COL19A1: variants seen among roughly 807,000 people sequenced by gnomAD.
COL19A1 encodes collagen alpha-1(XIX) chain.
Under a neutral mutation model 190.2 loss-of-function variants are expected in COL19A1, and 159 were observed. The observed-to-expected ratio is 0.84, with a 90% confidence interval of 0.73 to 0.95. The LOEUF is 0.95. Ranked by LOEUF, COL19A1 falls within the 40% of genes least tolerant of loss-of-function variation. The probability of loss-of-function intolerance (pLI) is 0.00; values close to 1 mark genes in which losing one functional copy is unlikely to be tolerated. For synonymous variants in COL19A1, 509 were observed against 458.9 expected, an observed-to-expected ratio of 1.11 and a Z score of -1.39; for missense variants, 1,418 against 1,431.9, an observed-to-expected ratio of 0.99 and a Z score of 0.16.
chr6:69,993,659 T>A (rs1474197141), intron 11 of COL19A1, among the ~76,000 whole-genome samples: 1 of 152,156 alleles, frequency 6.6e-6, no homozygotes, highest in Non-Finnish European at 1.5e-5. Context: ...GTTCAGGGTT[T>A]CAATTTCTTT....
intron 15 of COL19A1, among the ~76,000 whole-genome samples, chr6:70,071,343 T>C (rs1476921333): frequency 9.2e-5 from 14 of 152,154 alleles, no homozygotes. Context: ...GCCAAGGTTC[T>C]GTTTGAAATT....
At chr6:69,947,059 C>A (rs1773864898) in intron 9 of COL19A1, among the ~76,000 whole-genome samples, 2 of 151,794 alleles carry the variant, frequency 1.3e-5, no homozygotes, top group South Asian at 2.1e-4. Context: ...TACTCTCTGG[C>A]CCTTTGTTGA....
At chr6:70,194,259 A>G (rs1352427139) in intron 48 of COL19A1, among the ~76,000 whole-genome samples, 1 of 152,186 alleles carries the variant, frequency 6.6e-6, no homozygotes, top group African/African-American at 2.4e-5. Context: ...GAAACCCTAG[A>G]CCAGGATGAC....
intron 11 of COL19A1, among the ~76,000 whole-genome samples, chr6:70,009,534 C>A (rs1415750978): frequency 6.6e-6 from 1 of 151,996 alleles, no homozygotes; most frequent in Non-Finnish European, 1.5e-5. Context: ...AGATATTGAT[C>A]TATAGATTCA....
intron 17 of COL19A1, among the ~76,000 whole-genome samples, chr6:70,125,835 C>CTGCTCATG (rs1785161217): frequency 1.3e-5 from 2 of 152,188 alleles, no homozygotes; most frequent in Admixed American, 6.5e-5. Flanking sequence ...CAAGGAAAAT[C>CTGCTCATG]TGCTCATGTT....
intron 4 of COL19A1, among the ~76,000 whole-genome samples, chr6:69,920,709 A>G (rs980149966): frequency 1.3e-5 from 2 of 151,906 alleles, no homozygotes; most frequent in Non-Finnish European, 2.9e-5. Context: ...GACCTTAATT[A>G]ATGTGTAGAA....
At chr6:70,130,890 C>T (rs1785478864) in intron 18 of COL19A1, among the ~76,000 whole-genome samples, 1 of 152,224 alleles carries the variant, frequency 6.6e-6, no homozygotes, top group Non-Finnish European at 1.5e-5. Flanking sequence ...CCCAGGCTCA[C>T]TATTTTGTGT....
chr6:70,179,185 C>T (rs575433569), intron 42 of COL19A1, among the ~76,000 whole-genome samples: 1 of 152,296 alleles, frequency 6.6e-6, no homozygotes, highest in East Asian at 1.9e-4. Context: ...TGCCATTCAG[C>T]ACCGTATCTC....
chr6:69,988,832 C>G (rs930429221), intron 11 of COL19A1, among the ~76,000 whole-genome samples: 9 of 152,174 alleles, frequency 5.9e-5, no homozygotes, highest in Non-Finnish European at 8.8e-5. Flanking sequence ...ACCTGTTAGA[C>G]ATCTCCTCCT....
intron 12 of COL19A1, among the ~76,000 whole-genome samples, chr6:70,024,467 G>A (rs1388683090): frequency 6.6e-6 from 1 of 152,120 alleles, no homozygotes; most frequent in African/African-American, 2.4e-5. Context: ...AAAACTGTGA[G>A]ACTATATCTA....
At chr6:69,941,221 G>A (rs1773446070) in intron 9 of COL19A1, among the ~76,000 whole-genome samples, 2 of 152,130 alleles carry the variant, frequency 1.3e-5, no homozygotes, top group African/African-American at 4.8e-5. Context: ...ACTTAGGATT[G>A]AATCCTCTCC....
chr6:69,952,301 C>A (rs1035185649), intron 9 of COL19A1, among the ~76,000 whole-genome samples: 2 of 151,842 alleles, frequency 1.3e-5, no homozygotes, highest in African/African-American at 4.8e-5. Flanking sequence ...GCGCTTGACT[C>A]TCTGGAGATT....
intron 42 of COL19A1, among the ~76,000 whole-genome samples, chr6:70,177,392 C>T (rs1765881884): frequency 1.3e-5 from 2 of 152,042 alleles, no homozygotes; most frequent in African/African-American, 2.4e-5. Flanking sequence ...TCTACTGACA[C>T]CCAACACCAC....
intron 11 of COL19A1, among the ~76,000 whole-genome samples, chr6:69,995,823 A>G (rs1776872515): frequency 6.6e-6 from 1 of 152,176 alleles, no homozygotes; most frequent in South Asian, 2.1e-4. Context: ...AGATAAGCTG[A>G]TTTTATAGAG....
chr6:69,912,461 A>G (rs1323211770), intron 4 of COL19A1, among the ~76,000 whole-genome samples: 1 of 152,196 alleles, frequency 6.6e-6, no homozygotes, highest in African/African-American at 2.4e-5. Context: ...AAAAGCAGAT[A>G]TGCTTTTCTT....
intron 1 of COL19A1, among the ~76,000 whole-genome samples, chr6:69,873,266 G>A (rs1282620845): frequency 1.3e-5 from 2 of 150,344 alleles, no homozygotes; most frequent in African/African-American, 2.5e-5. Context: ...AAAAAAAAAC[G>A]ATCCTTAATC....
At chr6:69,896,469 G>A (rs970845590) in intron 2 of COL19A1, among the ~76,000 whole-genome samples, 2 of 149,192 alleles carry the variant, frequency 1.3e-5, no homozygotes, top group East Asian at 2.0e-4. Context: ...CCCGGGAGGC[G>A]GAGCTTGCAG....
chr6:69,898,906 T>A, intron 2 of COL19A1, 42 bp from the exon 3 acceptor site: 2 of 1,184,514 alleles, frequency 1.7e-6, no homozygotes, highest in Non-Finnish European at 2.5e-6. Context: ...TTAAAATTCA[T>A]ACATAATGCA....
At chr6:70,010,173 A>G (rs1372190282) in intron 11 of COL19A1, among the ~76,000 whole-genome samples, 1 of 152,184 alleles carries the variant, frequency 6.6e-6, no homozygotes, top group Non-Finnish European at 1.5e-5. Flanking sequence ...TACATATATG[A>G]TAAAATGACT....
Sources: gnomAD v4.1 joint callset for allele counts (sites outside exome capture counted in the v4.1 genomes callset) on GRCh38, gnomAD v4.1.1 for gene constraint, MANE v1.5 for transcripts, NCBI Gene and HGNC (gene_info 2026-07-23, HGNC 2026-07-21) for gene names.